The following KLHDC4 variants were observed in gnomAD, a reference collection of about 807,000 sequenced individuals.
KLHDC4 encodes the protein kelch domain containing 4, also known as kelch domain-containing protein 4.
Under a neutral mutation model 62.4 loss-of-function variants are expected in KLHDC4, and 90 were observed. The ratio of observed to expected loss-of-function variants is 1.44; its 90% CI spans 1.22 to 1.72. The LOEUF (loss-of-function observed/expected upper bound fraction) is 1.72. Among genes scored for constraint, KLHDC4 ranks in the 40% most tolerant of loss-of-function variants. KLHDC4 has a pLI of 0.00. For synonymous variants in KLHDC4, 386 were observed against 284.4 expected, an observed-to-expected ratio of 1.36 and a Z score of -3.59; for missense variants, 1,025 against 699.7, an observed-to-expected ratio of 1.47 and a Z score of -5.25.
chr16:87,725,369 G>A (rs896390107), intron 7 of KLHDC4, among the ~76,000 whole-genome samples: 2 of 152,184 alleles, frequency 1.3e-5, no homozygotes, highest in African/African-American at 4.8e-5. Flanking sequence ...GTTTCACAGT[G>A]TTAGCCAGGA....
intron 7 of KLHDC4, among the ~76,000 whole-genome samples, chr16:87,720,999 C>T: frequency 6.6e-6 from 1 of 152,198 alleles, no homozygotes; most frequent in East Asian, 1.9e-4. Flanking sequence ...GAAGCTGGGC[C>T]CCAGGGCACC....
At chr16:87,737,843 G>A (rs930508212) in intron 5 of KLHDC4, among the ~76,000 whole-genome samples, 6 of 151,984 alleles carry the variant, frequency 3.9e-5, no homozygotes, top group African/African-American at 1.5e-4. Context: ...CGCCTGCCTC[G>A]GCCTCCCAAA....
At chr16:87,757,953 C>A (rs1317031020) in intron 2 of KLHDC4, among the ~76,000 whole-genome samples, 1 of 152,142 alleles carries the variant, frequency 6.6e-6, no homozygotes, top group East Asian at 1.9e-4. Context: ...ATGAAAGACA[C>A]AGTGACTATC....
At chr16:87,759,635 ACTC>A (rs1166055453) in intron 2 of KLHDC4, among the ~76,000 whole-genome samples, 1 of 147,870 alleles carries the variant, frequency 6.8e-6, no homozygotes, top group Non-Finnish European at 1.5e-5. Context: ...TGTCCCAGCT[ACTC>A]CGGAGGCTGA....
At chr16:87,698,920 G>C (rs1467971797) in exon 1 of KLHDC4, 1 of 152,312 alleles carries the variant, frequency 6.6e-6, no homozygotes, top group Admixed American at 6.5e-5. Flanking sequence ...AGCCTGGTGA[G>C]AGCCATTTTC....
intron 5 of KLHDC4, among the ~76,000 whole-genome samples, 180 bp downstream of exon 5, chr16:87,748,493 T>G (rs1290396989): frequency 6.6e-6 from 1 of 152,034 alleles, no homozygotes; most frequent in Admixed American, 6.6e-5. Flanking sequence ...CGGCCCAGGC[T>G]TCTGTATGAA....
intron 2 of KLHDC4, among the ~76,000 whole-genome samples, chr16:87,757,176 G>C (rs1170703053): frequency 6.6e-6 from 1 of 151,608 alleles, no homozygotes; most frequent in Non-Finnish European, 1.5e-5. Context: ...ATTCTAAAAA[G>C]TCCAGTAACT....
Position 87,721,990 on chromosome 16 carries a change from G to C in KLHDC4, c.759+4775C>G, listed in dbSNP as rs143993407. ...ACACCATTTCCAAAGAGCTGTGCTG[G>C]TTCCCTGACTCTCTAAAGGAACGAG... is the stretch of plus-strand genomic sequence containing the variant. On this transcript the variant is annotated intron_variant, in intron 7 of 11. Coordinates refer to ENST00000270583, the MANE Select transcript of KLHDC4 (RefSeq NM_017566.4). Among the ~76,000 whole-genome samples the C allele has an allele frequency of 4.9e-3, 746 of 152,220 alleles. 3 individuals are homozygous for C. Among genetic ancestry groups the C allele is most frequent in the African/African-American group, 0.017 (701 of 41,522 alleles).
At chr16:87,753,309 G>A (rs2044316443) in intron 4 of KLHDC4, among the ~76,000 whole-genome samples, 1 of 152,202 alleles carries the variant, frequency 6.6e-6, no homozygotes, top group Non-Finnish European at 1.5e-5. Context: ...AGCTTACACA[G>A]GGCTTGGAAA....
chr16:87,755,938 C>G (rs1294885823), intron 3 of KLHDC4: 1 of 162,650 alleles, frequency 6.1e-6, no homozygotes, highest in African/African-American at 2.4e-5. Context: ...AAGGCCCATC[C>G]CGGGCTGCAG....
rs150467990 is a variant in KLHDC4 at position 87,754,631 on chromosome 16, C to A, written c.369+563G>T. On this transcript the variant is annotated intron_variant, in intron 4 of 11. Transcript: ENST00000270583. ...AAATTTTCTGTGCGAGTCTAACTGT[C>A]ACAGAGTTGAACAATGGACAAGGAC... is the stretch of plus-strand genomic sequence containing the variant. 7.2e-5 allele frequency among the ~76,000 whole-genome samples: 11 copies of A among 152,310 alleles called. No individual in the cohort carries two copies. In the South Asian group the frequency reaches 2.3e-3, roughly 32 times the overall value.
At position 87,765,967 on chromosome 16, in the gene KLHDC4, T is replaced by G; in HGVS notation, c.-77A>C. ...CTCTCCGCTCGGAAACAGGTGCTCGTGGGGCGGAGCTCGGCGCACAGAAAT... is the reference window on the plus strand; with the variant it reads ...CTCTCCGCTCGGAAACAGGTGCTCGGGGGGCGGAGCTCGGCGCACAGAAAT... On this transcript the variant is annotated 5_prime_UTR_variant, in exon 1 of 12. Transcript: ENST00000270583. 2 of 1,408,368 alleles carry G rather than the reference T, an allele frequency of 1.4e-6. No homozygotes were observed. The highest frequency in any genetic ancestry group is 2.0e-6 in the Non-Finnish European group (2 of 1,025,624). 87.2% of individuals were successfully genotyped at this position (1,408,368 alleles called of 1,614,324 possible).
At chr16:87,709,753 T>G in intron 9 of KLHDC4, 86 bp from the exon 10 acceptor site, 1 of 1,418,082 alleles carries the variant, frequency 7.1e-7, no homozygotes, top group Non-Finnish European at 9.3e-7. Context: ...AGGCAAGGGT[T>G]TGCGGGGACC....
chr16:87,745,650 G>A (rs1350647859), intron 5 of KLHDC4, among the ~76,000 whole-genome samples: 2 of 152,218 alleles, frequency 1.3e-5, no homozygotes, highest in African/African-American at 2.4e-5. Context: ...CGCAAGAGAA[G>A]CGTTCACTCG....
intron 3 of KLHDC4, 151 bp from the exon 4 acceptor site, chr16:87,755,443 C>G: frequency 8.2e-6 from 4 of 486,930 alleles, no homozygotes; most frequent in Non-Finnish European, 1.1e-5. Context: ...GCTGGGTCCC[C>G]GGGGCCATTG....
At chr16:87,761,294 T>C (rs978510178) in intron 2 of KLHDC4, among the ~76,000 whole-genome samples, 3 of 152,198 alleles carry the variant, frequency 2.0e-5, no homozygotes, top group African/African-American at 7.2e-5. Context: ...AGCCATCACA[T>C]GCGCCTCATT....
intron 2 of KLHDC4, among the ~76,000 whole-genome samples, chr16:87,759,041 G>A (rs1597399795): frequency 6.6e-6 from 1 of 152,252 alleles, no homozygotes; most frequent in African/African-American, 2.4e-5. Context: ...CAGGCATGGT[G>A]GCGCATGCCT....
intron 6 of KLHDC4, 36 bp from the exon 7 acceptor site, chr16:87,726,960 C>T (rs1475272857): frequency 1.2e-6 from 2 of 1,608,160 alleles, no homozygotes; most frequent in Admixed American, 1.7e-5. Flanking sequence ...GGGTCCGTAA[C>T]ATTGGGAAAA....
chr16:87,722,687 C>G (rs914974755), intron 7 of KLHDC4, among the ~76,000 whole-genome samples: 1 of 152,248 alleles, frequency 6.6e-6, no homozygotes, highest in Non-Finnish European at 1.5e-5. Context: ...GGGATGGAAA[C>G]TGGGGCCGCC....
Sources: gnomAD v4.1 joint callset for allele counts (sites outside exome capture counted in the v4.1 genomes callset) on GRCh38, gnomAD v4.1.1 for gene constraint, MANE v1.5 for transcripts, NCBI Gene and HGNC (gene_info 2026-07-23, HGNC 2026-07-21) for gene names.